PCDHB5: variants seen among roughly 807,000 people sequenced by gnomAD.
The protein encoded by PCDHB5 is protocadherin beta-5.
For synonymous variants in PCDHB5, 569 were observed against 462.2 expected (o/e 1.23, Z -2.96); for missense variants, 1,125 against 1,029.4 (o/e 1.09, Z -1.27).
rs554462206 is a variant in PCDHB5 at position 141,137,069 on chromosome 5, G to T, written c.1635G>T (p.Leu545=). The T allele has an allele frequency of 1.8e-5, 29 of 1,611,712 alleles. No homozygotes were observed. The African/African-American group carries it at 3.9e-4, about 21-fold the overall frequency. ...CCCCGGCGCTGAGCAGCGAGGCGCTGGTGCGCGTGCTGGTGCTGGACGCCA... is the reference window on the plus strand; with the variant it reads ...CCCCGGCGCTGAGCAGCGAGGCGCTTGTGCGCGTGCTGGTGCTGGACGCCA... ...RGSPALSSEA[L]VRVLVLDAND... is the part of the protein sequence containing the mutation. Residue 545 remains leucine, a synonymous_variant, in exon 1 of 1, where the codon CTG becomes CTT. Transcript: ENST00000231134.
rs781814728 is a variant in PCDHB5, at chr5:141,136,910, C to T, written c.1476C>T (p.Pro492=). The stretch of plus-strand genomic sequence containing the variant: ...AGGTCACCTACTCGCTGCTGCCGCC[C>T]CAGAACCCACACCTGCGCCTCGCCT... ...NAQVTYSLLP[P]QNPHLRLASL... The change falls in exon 1 of 1, where the codon CCC becomes CCT. Residue 492 remains proline, a synonymous_variant. Transcript: ENST00000231134. 1.2e-5 allele frequency: 19 copies of T among 1,612,580 alleles called. No individual in the cohort carries two copies. Among genetic ancestry groups the T allele is most frequent in the East Asian group, 4.5e-5 (2 of 44,874 alleles).
At position 141,135,343 on chromosome 5, in the gene PCDHB5, T is replaced by C. The variant is rs553673469; in HGVS notation, c.-92T>C. On this transcript the variant is annotated 5_prime_UTR_variant, in exon 1 of 1. Coordinates refer to ENST00000231134, the MANE Select transcript of PCDHB5 (RefSeq NM_015669.5). Reference sequence around the variant, plus strand: ...TGGGCTTCGTTCTTGTGGAAATCAGTCAAGAAAGATCGGATTCGCGGTTAT... The same window carrying C: ...TGGGCTTCGTTCTTGTGGAAATCAGCCAAGAAAGATCGGATTCGCGGTTAT... The C allele has an allele frequency of 5.5e-6, 5 of 904,172 alleles. No individual in the cohort carries two copies. In the South Asian group the frequency reaches 8.4e-5, roughly 15 times the overall value. 56.0% of individuals were successfully genotyped at this position (904,172 alleles called of 1,614,324 possible). A position where few individuals can be genotyped will look rare whatever the true frequency, so the allele number is the denominator to read the frequency against.
Position 141,135,815 on chromosome 5 carries a change from T to C in PCDHB5, c.381T>C (p.Asn127=), listed in dbSNP as rs782430110. ...FQTDLQLTDI[N]DHAPEFPEKE... ...CTGATCTGCAGCTCACAGATATAAA[T>C]GACCATGCCCCAGAGTTCCCAGAGA... Residue 127 remains asparagine, a synonymous_variant, in exon 1 of 1, where the codon AAT becomes AAC. Transcript: ENST00000231134. The C allele has an allele frequency of 1.9e-5, 30 of 1,613,862 alleles. No individual in the cohort carries two copies. Among genetic ancestry groups the C allele is most frequent in the Non-Finnish European group, 2.4e-5 (28 of 1,179,968 alleles).
In PCDHB5 at chr5:141,136,908, C is replaced by T. The variant is rs377163351; in HGVS notation, c.1474C>T (p.Pro492Ser). The T allele has an allele frequency of 1.2e-4, 197 of 1,612,566 alleles. 1 individual carries two copies. The African/African-American group carries it at 2.5e-3, about 20-fold the overall frequency. The change falls in exon 1 of 1, where the codon CCC (proline) becomes TCC (serine). Residue 492 changes from proline (P) to serine (S), a missense_variant. By Grantham distance (74) the Pro-to-Ser change is moderately conservative (BLOSUM62 -1). Transcript: ENST00000231134. ...NAQVTYSLLP[P>S]QNPHLRLASL... ...CCAGGTCACCTACTCGCTGCTGCCG[C>T]CCCAGAACCCACACCTGCGCCTCGC...
Position 141,135,420 on chromosome 5 carries a change from G to A in PCDHB5, c.-15G>A, listed in dbSNP as rs1752543982. Reference sequence around the variant, plus strand: ...GTACGGAGTTAAACTGCGCCTTCTGGACCGGGTCTGAACAATGGAGACTGC... The same window carrying A: ...GTACGGAGTTAAACTGCGCCTTCTGAACCGGGTCTGAACAATGGAGACTGC... On this transcript the variant is annotated 5_prime_UTR_variant, in exon 1 of 1. Transcript: ENST00000231134. 8.3e-6 allele frequency: 13 copies of A among 1,561,842 alleles called. No individual in the cohort carries two copies. Among genetic ancestry groups the A allele is most frequent in the Non-Finnish European group, 1.1e-5 (13 of 1,151,442 alleles).
chr5:141,136,138 A>G lies in PCDHB5; in HGVS notation c.704A>G (p.Asn235Ser). Residue 235 changes from asparagine to serine, a missense_variant, in exon 1 of 1, where the codon AAT (asparagine) becomes AGT (serine). Asn to Ser is a conservative substitution (Grantham distance 46, BLOSUM62 1). Transcript: ENST00000231134. Reference sequence around the variant, plus strand: ...ACAATTCGCATTGTCGTCTTGGATAATAATGACAACGCCCCCGAATTTTTA... The same window carrying G: ...ACAATTCGCATTGTCGTCTTGGATAGTAATGACAACGCCCCCGAATTTTTA... ...TTTIRIVVLDNNDNAPEFLQS... is the reference protein window; with the variant it reads ...TTTIRIVVLDSNDNAPEFLQS... 6.2e-7 allele frequency: 1 copy of G among 1,614,204 alleles called. No individual in the cohort carries two copies. Among genetic ancestry groups the G allele is most frequent in the Non-Finnish European group, 8.5e-7 (1 of 1,180,004 alleles).
chr5:141,136,538 T>G lies in PCDHB5; in HGVS notation c.1104T>G (p.Ser368Arg). ...CGGAAACTGTAGTTGCCGTTTTCAGTGTTTCTGATCCAGACTCCGGGGACA... is the reference window on the plus strand; with the variant it reads ...CGGAAACTGTAGTTGCCGTTTTCAGGGTTTCTGATCCAGACTCCGGGGACA... ...NAPETVVAVFSVSDPDSGDNG... is the reference protein window; with the variant it reads ...NAPETVVAVFRVSDPDSGDNG... The change falls in exon 1 of 1, where the codon AGT becomes AGG. Residue 368 changes from serine to arginine, a missense_variant. Physicochemically the swap from Ser to Arg is moderately radical, Grantham distance 110 (BLOSUM62 -1). Transcript: ENST00000231134. The G allele has an allele frequency of 6.2e-7, 1 of 1,614,058 alleles. No homozygotes were observed. The highest frequency in any genetic ancestry group is 8.5e-7 in the Non-Finnish European group (1 of 1,180,008).
In PCDHB5 at chr5:141,135,383, T is replaced by C; in HGVS notation, c.-52T>C. On this transcript the variant is annotated 5_prime_UTR_variant, in exon 1 of 1. Coordinates refer to ENST00000231134, the MANE Select transcript of PCDHB5 (RefSeq NM_015669.5). ...TTCGCGGTTATTTATGCAAATCATCTGGGTGGATTGTGTACGGAGTTAAAC... is the reference window on the plus strand; with the variant it reads ...TTCGCGGTTATTTATGCAAATCATCCGGGTGGATTGTGTACGGAGTTAAAC... The C allele has an allele frequency of 8.0e-7, 1 of 1,246,440 alleles. No individual in the cohort carries two copies. Among genetic ancestry groups the C allele is most frequent in the South Asian group, 1.4e-5 (1 of 69,232 alleles). The allele number at this position is 1,246,440 out of a possible 1,614,324, so 77.2% of individuals were successfully genotyped here. A position where few individuals can be genotyped will look rare whatever the true frequency, so the allele number is the denominator to read the frequency against.
Position 141,137,261 on chromosome 5 carries a change from G to T in PCDHB5, c.1827G>T (p.Thr609=), listed in dbSNP as rs782181631. 4 of 1,610,792 alleles carry T rather than the reference G, an allele frequency of 2.5e-6. No homozygotes were observed. The highest frequency in any genetic ancestry group is 1.7e-5 in the Admixed American group (1 of 60,006). Residue 609 remains threonine (T), a synonymous_variant, in exon 1 of 1, where the codon ACG becomes ACT. Transcript: ENST00000231134. ...AWLSYQLLKA[T]EPGLFSMWAH... Reference sequence around the variant, plus strand: ...TGTCGTACCAGCTGCTCAAGGCCACGGAGCCCGGGCTGTTCAGCATGTGGG... The same window carrying T: ...TGTCGTACCAGCTGCTCAAGGCCACTGAGCCCGGGCTGTTCAGCATGTGGG...
chr5:141,137,265 C>G lies in PCDHB5; in HGVS notation c.1831C>G (p.Pro611Ala), dbSNP rs1752610762. The change falls in exon 1 of 1, where the codon CCC (proline) becomes GCC (alanine). Residue 611 changes from proline to alanine, a missense_variant. Physicochemically the swap from Pro to Ala is conservative, Grantham distance 27. Transcript: ENST00000231134. ...GTACCAGCTGCTCAAGGCCACGGAG[C>G]CCGGGCTGTTCAGCATGTGGGCGCA... ...LSYQLLKATE[P>A]GLFSMWAHNG... The G allele has an allele frequency of 1.2e-6, 2 of 1,610,796 alleles. No homozygotes were observed.
rs149832170 is a variant in PCDHB5, at chr5:141,137,510, A to G, written c.2076A>G (p.Ala692=). ...ADSLTVYLVV[A]LASVSSLFLF... is the part of the protein sequence containing the mutation. ...CGCTCACTGTCTACCTGGTGGTGGC[A>G]TTGGCCTCGGTGTCGTCGCTCTTCC... Residue 692 remains alanine (A), a synonymous_variant, in exon 1 of 1, where the codon GCA becomes GCG. Transcript: ENST00000231134. 7.5e-5 allele frequency: 121 copies of G among 1,612,250 alleles called. No homozygotes were observed. The highest frequency in any genetic ancestry group is 2.2e-4 in the Admixed American group (13 of 59,990).
chr5:141,137,895 T>C lies in PCDHB5; in HGVS notation c.*73T>C. On this transcript the variant is annotated 3_prime_UTR_variant, in exon 1 of 1. Coordinates refer to ENST00000231134, the MANE Select transcript of PCDHB5 (RefSeq NM_015669.5). ...TCAGATCTAGAATTCGAGAGTGTCA[T>C]GGACAAAAATTTCACCTTGAGATTG... 1 of 1,382,632 alleles carries C rather than the reference T, an allele frequency of 7.2e-7. No homozygotes were observed. The highest frequency in any genetic ancestry group is 2.3e-5 in the East Asian group (1 of 43,384). 85.6% of individuals were successfully genotyped at this position (1,382,632 alleles called of 1,614,324 possible).
In PCDHB5 at chr5:141,136,976, C is replaced by T. The variant is rs782256600; in HGVS notation, c.1542C>T (p.Ala514=). 1 of 1,612,460 alleles carries T rather than the reference C, an allele frequency of 6.2e-7. No individual in the cohort carries two copies. The highest frequency in any genetic ancestry group is 8.5e-7 in the Non-Finnish European group (1 of 1,179,942). ...SINADNGHLF[A]LRSLDYEALQ... is the part of the protein sequence containing the mutation. ...ACGCGGACAACGGCCACCTGTTTGC[C>T]CTCAGGTCGCTGGACTACGAGGCCC... is the stretch of plus-strand genomic sequence containing the variant. The change falls in exon 1 of 1, where the codon GCC becomes GCT. Residue 514 remains alanine, a synonymous_variant. Coordinates refer to ENST00000231134, the MANE Select transcript of PCDHB5 (RefSeq NM_015669.5).
In PCDHB5 at chr5:141,136,862, C is replaced by CA. The variant is rs1319241007; in HGVS notation, c.1429dup (p.Arg477LysfsTer118). On this transcript the variant is annotated frameshift_variant, in exon 1 of 1. Transcript: ENST00000231134. LOFTEE classifies it low-confidence loss of function (END_TRUNC). ...ACATCGGCAGTGTCAGCGCCACAGA[C>CA]AGAGACTCAGGCACCAACGCCCAGG... 1 of 1,612,792 alleles carries CA rather than the reference C, an allele frequency of 6.2e-7. No homozygotes were observed. Among genetic ancestry groups the CA allele is most frequent in the Non-Finnish European group, 8.5e-7 (1 of 1,180,048 alleles).
In PCDHB5 at chr5:141,135,236, C is replaced by G; in HGVS notation, c.-199C>G. Reference sequence around the variant, plus strand: ...TGTGGATAGTGGGCTCTGCGGATAACTCAGACGCCATTAAGCTGGGGAATC... The same window carrying G: ...TGTGGATAGTGGGCTCTGCGGATAAGTCAGACGCCATTAAGCTGGGGAATC... On this transcript the variant is annotated 5_prime_UTR_variant, in exon 1 of 1. Transcript: ENST00000231134. 1.8e-6 allele frequency: 1 copy of G among 547,192 alleles called. No homozygotes were observed. Among genetic ancestry groups the G allele is most frequent in the Non-Finnish European group, 3.2e-6 (1 of 312,066 alleles). 33.9% of individuals were successfully genotyped at this position (547,192 alleles called of 1,614,324 possible). A position where few individuals can be genotyped will look rare whatever the true frequency, so the allele number is the denominator to read the frequency against.
chr5:141,136,359 G>A lies in PCDHB5; in HGVS notation c.925G>A (p.Glu309Lys). The change falls in exon 1 of 1, where the codon GAG becomes AAG. Residue 309 changes from glutamate (E) to lysine (K), a missense_variant. Coordinates refer to ENST00000231134, the MANE Select transcript of PCDHB5 (RefSeq NM_015669.5). ...EIRLKRALDF[E>K]ATPYYNVEIV... ...TCGCCTGAAAAGGGCATTGGATTTCGAGGCAACTCCATATTATAACGTGGA... is the reference window on the plus strand; with the variant it reads ...TCGCCTGAAAAGGGCATTGGATTTCAAGGCAACTCCATATTATAACGTGGA... The A allele has an allele frequency of 1.2e-6, 2 of 1,614,040 alleles. No individual in the cohort carries two copies. Among genetic ancestry groups the A allele is most frequent in the Non-Finnish European group, 1.7e-6 (2 of 1,179,990 alleles).
In PCDHB5 at chr5:141,136,229, C is replaced by T. The variant is rs375187400; in HGVS notation, c.795C>T (p.Ser265=). 1.9e-6 allele frequency: 3 copies of T among 1,614,056 alleles called. No homozygotes were observed. Among genetic ancestry groups the T allele is most frequent in the Non-Finnish European group, 1.7e-6 (2 of 1,179,984 alleles). Residue 265 remains serine, a synonymous_variant, in exon 1 of 1, where the codon TCC becomes TCT. Coordinates refer to ENST00000231134, the MANE Select transcript of PCDHB5 (RefSeq NM_015669.5). ...SPLNSLVVVV[S]ARDLDAGAYG... is the part of the protein sequence containing the mutation. ...TTAACTCCTTAGTTGTCGTTGTCTCCGCTCGAGATTTAGATGCAGGAGCAT... is the reference window on the plus strand; with the variant it reads ...TTAACTCCTTAGTTGTCGTTGTCTCTGCTCGAGATTTAGATGCAGGAGCAT...
chr5:141,136,711 G>A lies in PCDHB5; in HGVS notation c.1277G>A (p.Gly426Glu). The change falls in exon 1 of 1, where the codon GGG becomes GAG. Residue 426 changes from glycine (G) to glutamate (E), a missense_variant. By Grantham distance (98) the Gly-to-Glu change is moderately conservative. Coordinates refer to ENST00000231134, the MANE Select transcript of PCDHB5 (RefSeq NM_015669.5). ...ATCACCATCACTGTCACCGACATGGGGACACCCAGGCTGAAAACCGAGCAC... is the reference window on the plus strand; with the variant it reads ...ATCACCATCACTGTCACCGACATGGAGACACCCAGGCTGAAAACCGAGCAC... The part of the protein sequence containing the change: ...YNITITVTDM[G>E]TPRLKTEHNI... The A allele has an allele frequency of 4.3e-6, 7 of 1,614,024 alleles. No individual in the cohort carries two copies. The highest frequency in any genetic ancestry group is 5.9e-6 in the Non-Finnish European group (7 of 1,180,018).
At position 141,136,523 on chromosome 5, in the gene PCDHB5, A is replaced by G; in HGVS notation, c.1089A>G (p.Val363=). The change falls in exon 1 of 1, where the codon GTA becomes GTG. Residue 363 remains valine, a synonymous_variant. Coordinates refer to ENST00000231134, the MANE Select transcript of PCDHB5 (RefSeq NM_015669.5). ...CCCCAGAAAATGCCCCGGAAACTGT[A>G]GTTGCCGTTTTCAGTGTTTCTGATC... ...SPTPENAPET[V]VAVFSVSDPD... 1 of 1,614,048 alleles carries G rather than the reference A, an allele frequency of 6.2e-7. No individual in the cohort carries two copies. The highest frequency in any genetic ancestry group is 8.5e-7 in the Non-Finnish European group (1 of 1,179,992).
Sources: gnomAD v4.1 joint callset for allele counts on GRCh38, gnomAD v4.1.1 for gene constraint, MANE v1.5 for transcripts, NCBI Gene and HGNC (gene_info 2026-07-23, HGNC 2026-07-21) for gene names.